Variants in PDE4B observed in about 807,000 individuals in gnomAD.
PDE4B encodes phosphodiesterase 4B.
Under a neutral mutation model 82.2 loss-of-function variants are expected in PDE4B, and 20 were observed. The ratio of observed to expected loss-of-function variants is 0.24; its 90% CI spans 0.17 to 0.35. The LOEUF (loss-of-function observed/expected upper bound fraction) is 0.35. Ranked by LOEUF, PDE4B falls within the 10% of genes least tolerant of loss-of-function variation. PDE4B has a pLI of 1.00. For synonymous variants in PDE4B, 320 were observed against 318.9 expected (o/e 1.00, Z -0.04); for missense variants, 655 against 907.2 (o/e 0.72, Z 3.57).
At chr1:66,280,975 A>T (rs1028816264) in intron 7 of PDE4B, among the ~76,000 whole-genome samples, 36 of 152,216 alleles carry the variant, frequency 2.4e-4, no homozygotes, top group African/African-American at 8.4e-4. Flanking sequence ...CATAGCTTTA[A>T]CTCAGGTACC....
At chr1:66,300,465 A>G (rs532368316) in intron 7 of PDE4B, among the ~76,000 whole-genome samples, 2 of 152,152 alleles carry the variant, frequency 1.3e-5, no homozygotes, top group East Asian at 3.9e-4. Flanking sequence ...TGGACTGTTG[A>G]TTTATCCAGC....
intron 3 of PDE4B, among the ~76,000 whole-genome samples, chr1:66,010,214 A>G (rs1238917239): frequency 1.3e-5 from 2 of 152,202 alleles, no homozygotes; most frequent in East Asian, 3.9e-4. Flanking sequence ...GGGAAATGTG[A>G]ACAGATAATT....
intron 3 of PDE4B, among the ~76,000 whole-genome samples, chr1:65,968,222 T>A (rs368655878): frequency 1.3e-5 from 2 of 152,132 alleles, no homozygotes; most frequent in African/African-American, 4.8e-5. Flanking sequence ...TGGCTCCATT[T>A]ACCCATTTGT....
chr1:66,001,733 A>AT (rs1380306933), intron 3 of PDE4B, among the ~76,000 whole-genome samples: 3 of 151,546 alleles, frequency 2.0e-5, no homozygotes, highest in African/African-American at 4.9e-5. Flanking sequence ...ATTTGTTTTT[A>AT]TTTTTTTGAC....
chr1:66,090,621 A>ATATATATGTGTGTG, intron 3 of PDE4B, among the ~76,000 whole-genome samples: 31 of 122,720 alleles, frequency 2.5e-4, no homozygotes, highest in Admixed American at 1.5e-3. Context: ...TATATAATAT[A>ATATATATGTGTGTG]TGTGTGTGTG....
At chr1:66,245,580 G>A (rs543696775) in intron 3 of PDE4B, among the ~76,000 whole-genome samples, 2 of 152,312 alleles carry the variant, frequency 1.3e-5, no homozygotes, top group East Asian at 3.9e-4. Context: ...AATGTATGTG[G>A]CTAACAACGT....
chr1:66,155,237 C>G (rs938050252), intron 3 of PDE4B, among the ~76,000 whole-genome samples: 1 of 152,100 alleles, frequency 6.6e-6, no homozygotes, highest in African/African-American at 2.4e-5. Context: ...TGAATGAGCT[C>G]TTTCTTCTGC....
intron 3 of PDE4B, among the ~76,000 whole-genome samples, chr1:66,189,631 T>C (rs1427812741): frequency 6.6e-6 from 1 of 152,212 alleles, no homozygotes; most frequent in Non-Finnish European, 1.5e-5. Flanking sequence ...GAATAGGCTA[T>C]TGAGGCTTGT....
intron 1 of PDE4B, among the ~76,000 whole-genome samples, chr1:65,825,727 T>TATC (rs1379053356): frequency 3.3e-5 from 5 of 151,846 alleles, no homozygotes; most frequent in African/African-American, 1.2e-4. Flanking sequence ...TCTATCTATC[T>TATC]ATCTATCTAT....
intron 3 of PDE4B, among the ~76,000 whole-genome samples, chr1:66,211,611 T>G (rs1196142539): frequency 1.3e-5 from 2 of 152,226 alleles, no homozygotes; most frequent in Non-Finnish European, 2.9e-5. Flanking sequence ...ATCATCTCAT[T>G]TAATCCTCTC....
At chr1:66,372,028 A>G (rs1256841246) in intron 16 of PDE4B, among the ~76,000 whole-genome samples, 1 of 152,236 alleles carries the variant, frequency 6.6e-6, no homozygotes, top group Non-Finnish European at 1.5e-5. Flanking sequence ...CAGCTCCACC[A>G]GTCACTAGTT....
chr1:65,794,420 A>C (rs1168541408), intron 1 of PDE4B, among the ~76,000 whole-genome samples: 1 of 152,248 alleles, frequency 6.6e-6, no homozygotes, highest in African/African-American at 2.4e-5. Context: ...ATATTCATAA[A>C]AACGAAACAA....
At chr1:66,303,945 T>A (rs1658084035) in intron 7 of PDE4B, among the ~76,000 whole-genome samples, 2 of 152,144 alleles carry the variant, frequency 1.3e-5, no homozygotes, top group Admixed American at 1.3e-4. Flanking sequence ...CTATTTTGTG[T>A]CAGGTTAGAA....
At chr1:65,869,110 T>G (rs1331331040) in intron 1 of PDE4B, among the ~76,000 whole-genome samples, 1 of 152,198 alleles carries the variant, frequency 6.6e-6, no homozygotes, top group Non-Finnish European at 1.5e-5. Flanking sequence ...TATTGTATCC[T>G]CAGGAATTTG....
At chr1:65,988,729 G>C (rs1199334606) in intron 3 of PDE4B, among the ~76,000 whole-genome samples, 2 of 151,874 alleles carry the variant, frequency 1.3e-5, no homozygotes, top group Non-Finnish European at 2.9e-5. Flanking sequence ...CAATAAGTGG[G>C]AACCATGTTA....
At chr1:65,899,111 A>G (rs2100414351) in intron 1 of PDE4B, among the ~76,000 whole-genome samples, 1 of 152,072 alleles carries the variant, frequency 6.6e-6, no homozygotes, top group South Asian at 2.1e-4. Context: ...ACTCAAACAA[A>G]TCAGCAAGAA....
intron 3 of PDE4B, among the ~76,000 whole-genome samples, chr1:66,175,323 C>T (rs1404347283): frequency 6.6e-6 from 1 of 152,194 alleles, no homozygotes; most frequent in Non-Finnish European, 1.5e-5. Flanking sequence ...CTCATTTTGA[C>T]AACCATTAGG....
chr1:65,834,079 C>G (rs1212262150), intron 1 of PDE4B, among the ~76,000 whole-genome samples: 1 of 152,166 alleles, frequency 6.6e-6, no homozygotes, highest in Non-Finnish European at 1.5e-5. Flanking sequence ...GAGTCTCACT[C>G]TGTCACCCAG....
At chr1:66,118,409 A>C (rs971508480) in intron 3 of PDE4B, among the ~76,000 whole-genome samples, 2 of 152,246 alleles carry the variant, frequency 1.3e-5, no homozygotes, top group African/African-American at 4.8e-5. Flanking sequence ...GGATGAGTTC[A>C]TGTCCTTTGT....
Sources: allele counts gnomAD v4.1 joint callset (sites outside exome capture counted in the v4.1 genomes callset), GRCh38; gene constraint gnomAD v4.1.1; transcripts MANE v1.5; gene names NCBI Gene and HGNC (gene_info 2026-07-23, HGNC 2026-07-21).